SRPK2: variants seen among roughly 807,000 people sequenced by gnomAD.
SRPK2 encodes SFRS protein kinase 2.
A neutral mutation model predicts 90.8 loss-of-function variants in SRPK2; 21 were observed. The observed-to-expected ratio is 0.23, with a 90% CI of 0.16 to 0.33. SRPK2 has a LOEUF of 0.33. SRPK2 is among the 10% of genes least tolerant of loss of function. The pLI, the probability that SRPK2 is intolerant of heterozygous loss-of-function variation, is 1.00. For synonymous variants in SRPK2, 288 were observed against 311.1 expected (o/e 0.93, Z 0.78); for missense variants, 620 against 869.0 (o/e 0.71, Z 3.60).
In SRPK2 at chr7:105,117,346, T is replaced by C. The variant is rs1300168236; in HGVS notation, c.*492A>G. On this transcript the variant is annotated 3_prime_UTR_variant, in exon 16 of 16. Coordinates refer to ENST00000393651, the MANE Select transcript of SRPK2 (RefSeq NM_182692.3). ...TCCCATATTTAATGGAAAGTAACAT[T>C]TACAGGGTGCATTTACATACACTAT... 6.5e-6 allele frequency: 1 copy of C among 154,314 alleles called. No homozygotes were observed. The highest frequency in any genetic ancestry group is 1.4e-5 in the Non-Finnish European group (1 of 69,350). The allele number at this position is 154,314 out of a possible 1,614,324, so 9.6% of individuals were successfully genotyped here. A position where few individuals can be genotyped will look rare whatever the true frequency, so the allele number is the denominator to read the frequency against.
chr7:105,130,572 A>C (rs1355103362), intron 13 of SRPK2, among the ~76,000 whole-genome samples: 1 of 151,954 alleles, frequency 6.6e-6, no homozygotes, highest in Non-Finnish European at 1.5e-5. Flanking sequence ...CAAAACCCTC[A>C]AAGACTATAT....
intron 2 of SRPK2, among the ~76,000 whole-genome samples, chr7:105,213,893 T>C: frequency 6.6e-6 from 1 of 152,190 alleles, no homozygotes; most frequent in East Asian, 1.9e-4. Context: ...TTCCACAAGC[T>C]TTAGATCTAA....
intron 13 of SRPK2, 57 bp downstream of exon 13, chr7:105,132,734 A>G (rs1473756552): frequency 6.6e-6 from 9 of 1,373,724 alleles, no homozygotes; most frequent in Non-Finnish European, 9.2e-6. Context: ...AGCCCCATCC[A>G]GAGTGTGAAA....
intron 3 of SRPK2, among the ~76,000 whole-genome samples, chr7:105,198,538 T>C (rs1362711497): frequency 1.3e-5 from 2 of 152,108 alleles, no homozygotes; most frequent in Non-Finnish European, 2.9e-5. Flanking sequence ...AGATAGGCAG[T>C]GCTGACAGCT....
At chr7:105,186,094 T>G (rs1793542755) in intron 3 of SRPK2, among the ~76,000 whole-genome samples, 1 of 152,236 alleles carries the variant, frequency 6.6e-6, no homozygotes, top group African/African-American at 2.4e-5. Flanking sequence ...AGGTTTCATC[T>G]TGATTTATAT....
At chr7:105,371,984 A>T (rs1819739934) in intron 2 of SRPK2, among the ~76,000 whole-genome samples, 1 of 151,936 alleles carries the variant, frequency 6.6e-6, no homozygotes, top group Non-Finnish European at 1.5e-5. Context: ...AATACAAAAA[A>T]ATTAGCCAGG....
At chr7:105,247,437 A>C (rs747556566) in intron 2 of SRPK2, among the ~76,000 whole-genome samples, 1 of 151,934 alleles carries the variant, frequency 6.6e-6, no homozygotes, top group Non-Finnish European at 1.5e-5. Flanking sequence ...GATGTCCTTT[A>C]AGTACATCAC....
intron 7 of SRPK2, among the ~76,000 whole-genome samples, chr7:105,159,464 A>AAAAAAAAAAAAAAAAAAAAACAC (rs1807168874): frequency 1.4e-5 from 2 of 141,598 alleles, no homozygotes; most frequent in African/African-American, 5.9e-5. Flanking sequence ...AAAAAAAAAA[A>AAAAAAAAAAAAAAAAAAAAACAC]AAAAAAAAAC....
intron 2 of SRPK2, among the ~76,000 whole-genome samples, chr7:105,254,628 G>A (rs367750712): frequency 6.6e-6 from 1 of 151,916 alleles, no homozygotes; most frequent in African/African-American, 2.4e-5. Flanking sequence ...TGGATTGTAC[G>A]GTTGGTGATG....
At chr7:105,153,449 A>T (rs1299735921) in intron 7 of SRPK2, among the ~76,000 whole-genome samples, 1 of 152,142 alleles carries the variant, frequency 6.6e-6, no homozygotes, top group Admixed American at 6.6e-5. Context: ...TCTTCGCAAC[A>T]CAAATCTGCT....
intron 7 of SRPK2, among the ~76,000 whole-genome samples, chr7:105,155,756 T>G (rs1346415725): frequency 6.6e-6 from 1 of 152,132 alleles, no homozygotes; most frequent in East Asian, 1.9e-4. Flanking sequence ...CTTAAAAATG[T>G]GGGTAGACAA....
At chr7:105,263,089 G>A (rs1804538215) in intron 2 of SRPK2, among the ~76,000 whole-genome samples, 1 of 152,294 alleles carries the variant, frequency 6.6e-6, no homozygotes, top group East Asian at 1.9e-4. Context: ...CACTTTGGGA[G>A]GCTGAGGTGG....
chr7:105,253,093 A>T (rs889118566), intron 2 of SRPK2, among the ~76,000 whole-genome samples: 4 of 152,182 alleles, frequency 2.6e-5, no homozygotes, highest in Non-Finnish European at 5.9e-5. Flanking sequence ...TAACTGCGTA[A>T]AACCTAGGAA....
chr7:105,389,229 C>A, upstream of SRPK2: 1 of 1,229,410 alleles, frequency 8.1e-7, no homozygotes, highest in Non-Finnish European at 1.0e-6. Flanking sequence ...CCGCCGCGGC[C>A]TCTCCCCTCC....
At chr7:105,205,945 ACATT>A (rs778948585) in intron 2 of SRPK2, 1 of 518,906 alleles carries the variant, frequency 1.9e-6, no homozygotes, top group Non-Finnish European at 3.8e-6. Flanking sequence ...ACACACACAC[ACATT>A]GAGTTTGCTG....
intron 1 of SRPK2, among the ~76,000 whole-genome samples, chr7:105,396,657 G>A (rs1282256970): frequency 2.9e-5 from 4 of 136,364 alleles, no homozygotes; most frequent in African/African-American, 8.0e-5. Flanking sequence ...GAGAGAGAGA[G>A]AAAAGAAGAA....
chr7:105,129,744 C>T (rs1801738458), intron 13 of SRPK2, among the ~76,000 whole-genome samples: 1 of 152,158 alleles, frequency 6.6e-6, no homozygotes, highest in Admixed American at 6.5e-5. Flanking sequence ...GCTCAATCCC[C>T]TCAAAGGGCT....
At chr7:105,382,303 A>T (rs1485217941) in intron 2 of SRPK2, among the ~76,000 whole-genome samples, 1 of 152,156 alleles carries the variant, frequency 6.6e-6, no homozygotes. Context: ...CTATAATCCC[A>T]GCACTTTGGG....
At chr7:105,322,490 G>T (rs903953052) in intron 2 of SRPK2, among the ~76,000 whole-genome samples, 1 of 152,172 alleles carries the variant, frequency 6.6e-6, no homozygotes, top group African/African-American at 2.4e-5. Context: ...AAAAGGTCAT[G>T]TGTTATATAA....
Sources: gnomAD v4.1 joint callset for allele counts (sites outside exome capture counted in the v4.1 genomes callset) on GRCh38, gnomAD v4.1.1 for gene constraint, MANE v1.5 for transcripts, NCBI Gene and HGNC (gene_info 2026-07-23, HGNC 2026-07-21) for gene names.